The following MAP9 variants were observed in gnomAD, a reference collection of about 807,000 sequenced individuals.
MAP9 encodes microtubule associated protein 9.
A neutral mutation model predicts 75.2 loss-of-function variants in MAP9; 80 were observed. That is an observed-to-expected ratio of 1.06 (90% CI 0.89 to 1.28). The LOEUF is 1.28. Ranked by LOEUF, MAP9 falls within the 50% of genes most tolerant of loss-of-function variation. MAP9 has a pLI of 0.00. For synonymous variants in MAP9, 235 were observed against 237.3 expected (o/e 0.99, Z 0.09); for missense variants, 753 against 719.9 (o/e 1.05, Z -0.53).
At chr4:155,363,682 C>T (rs923997859) in intron 5 of MAP9, among the ~76,000 whole-genome samples, 1 of 152,058 alleles carries the variant, frequency 6.6e-6, no homozygotes, top group African/African-American at 2.4e-5. Flanking sequence ...GGAACTCTCA[C>T]GACATACCCT....
chr4:155,375,727 C>G (rs1203619313), intron 2 of MAP9, 49 bp downstream of exon 2: 1 of 1,190,172 alleles, frequency 8.4e-7, no homozygotes, highest in South Asian at 1.3e-5. Context: ...TTCAACCCAT[C>G]TAATACAGTG....
Position 155,352,726 on chromosome 4 carries a change from T to C in MAP9, c.1691A>G (p.Asn564Ser). 1 of 1,550,180 alleles carries C rather than the reference T, an allele frequency of 6.5e-7. No homozygotes were observed. Among genetic ancestry groups the C allele is most frequent in the Non-Finnish European group, 8.8e-7 (1 of 1,140,188 alleles). ...KDNLTAVEKW[N>S]EKKEAFFKQK... ...CTTGAAAAAAGCTTCCTTTTTTTCA[T>C]TCCTATAGAGCATAGTATAAAACAC... Residue 564 changes from asparagine (N) to serine (S), a missense_variant and splice_region_variant, in exon 13 of 14, where the codon AAT becomes AGT. Asn to Ser is a conservative substitution (Grantham distance 46). Transcript: ENST00000311277.
chr4:155,354,154 C>T (rs557946731), intron 10 of MAP9: 2 of 152,186 alleles, frequency 1.3e-5, no homozygotes, highest in Admixed American at 6.5e-5. Context: ...TCACTACTGA[C>T]GCATTATCGT....
At position 155,368,684 on chromosome 4, in the gene MAP9, C is replaced by T. The variant is rs1333602401; in HGVS notation, c.610G>A (p.Glu204Lys). 6.2e-7 allele frequency: 1 copy of T among 1,614,084 alleles called. No homozygotes were observed. Among genetic ancestry groups the T allele is most frequent in the Non-Finnish European group, 8.5e-7 (1 of 1,180,030 alleles). The part of the protein sequence containing the change: ...LEDKETALSE[E>K]LELHSAPSSL... ...GAAGGTGCAGAATGTAACTCCAATT[C>T]TTCACTGAGGGCAGTTTCTTTATCT... is the stretch of plus-strand genomic sequence containing the variant. The change falls in exon 5 of 14, where the codon GAA becomes AAA. Residue 204 changes from glutamate to lysine, a missense_variant. Physicochemically the swap from Glu to Lys is moderately conservative, Grantham distance 56. Transcript: ENST00000311277.
chr4:155,376,921 C>A lies in MAP9; in HGVS notation c.-215G>T, dbSNP rs1421432948. On this transcript the variant is annotated 5_prime_UTR_variant, in exon 1 of 14. Coordinates refer to ENST00000311277, the MANE Select transcript of MAP9 (RefSeq NM_001039580.2). ...GCCGGGTCTCTCGGGTACCCAACAC[C>A]GCTCTTCGGCCCAACGTGTCGCTGG... The A allele has an allele frequency of 6.6e-6, 1 of 152,624 alleles. No individual in the cohort carries two copies. The highest frequency in any genetic ancestry group is 2.4e-5 in the African/African-American group (1 of 41,436). 9.5% of individuals were successfully genotyped at this position (152,624 alleles called of 1,614,324 possible). A position where few individuals can be genotyped will look rare whatever the true frequency, so the allele number is the denominator to read the frequency against.
chr4:155,353,372 A>T (rs755957441), intron 10 of MAP9, 32 bp from the exon 11 acceptor site: 13 of 1,457,722 alleles, frequency 8.9e-6, no homozygotes, highest in Non-Finnish European at 9.9e-6. Context: ...AGTGATATAC[A>T]TATATATGTA....
Position 155,373,174 on chromosome 4 carries a change from G to C in MAP9, c.443C>G (p.Pro148Arg). 2 of 1,589,148 alleles carry C rather than the reference G, an allele frequency of 1.3e-6. No homozygotes were observed. The highest frequency in any genetic ancestry group is 2.3e-5 in the South Asian group (2 of 85,848). The change falls in exon 4 of 14, where the codon CCT becomes CGT. Residue 148 changes from proline to arginine, a missense_variant. Pro to Arg is a moderately radical substitution (Grantham distance 103). Transcript: ENST00000311277. ...TTTAATTGAAAGAATTCTGGGTTTA[G>C]GTTTCATTTTTATTTTGTCTTTTTC... ...EFEKDKIKMK[P>R]KPRILSIKST...
rs1343754857 is a variant in MAP9, at chr4:155,352,625, G to C, written c.1792C>G (p.Gln598Glu). The change falls in exon 13 of 14, where the codon CAA (glutamine) becomes GAA (glutamate). Residue 598 changes from glutamine to glutamate, a missense_variant. Physicochemically the swap from Gln to Glu is conservative, Grantham distance 29. Transcript: ENST00000311277. ...CATTTTTCATATTCATTAATAGCTT[G>C]TTTATCTTTATCTTTTTTCTCAGCT... ...KRAEKKDKDK[Q>E]AINEYEKWLE... The C allele has an allele frequency of 1.8e-5, 28 of 1,546,720 alleles. No homozygotes were observed. Among genetic ancestry groups the C allele is most frequent in the Non-Finnish European group, 2.4e-5 (27 of 1,134,306 alleles).
In MAP9 at chr4:155,352,577, A is replaced by C. The variant is rs763590621; in HGVS notation, c.1821+19T>G. ...AGGTACATGAAAAAGACGAAAGTGC[A>C]TTGACAAATAATACCTACCAGCCAT... On this transcript the variant is annotated intron_variant, in intron 13 of 13. Transcript: ENST00000311277. The C allele has an allele frequency of 6.4e-7, 1 of 1,571,822 alleles. No homozygotes were observed.
intron 5 of MAP9, 178 bp from the exon 6 acceptor site, chr4:155,362,319 CT>C (rs1732126701): frequency 4.1e-6 from 2 of 482,436 alleles, no homozygotes; most frequent in Non-Finnish European, 7.2e-6. Context: ...GCATGCTTTA[CT>C]TTCAAGCCTT....
intron 6 of MAP9, 65 bp from the exon 7 acceptor site, chr4:155,360,480 C>A (rs1426603484): frequency 1.4e-6 from 2 of 1,456,008 alleles, no homozygotes; most frequent in Non-Finnish European, 1.9e-6. Flanking sequence ...ATACTTGATT[C>A]ATTTGCTTTC....
chr4:155,375,735 G>A (rs1732809662), intron 2 of MAP9, 41 bp downstream of exon 2: 2 of 1,290,270 alleles, frequency 1.6e-6, no homozygotes, highest in Non-Finnish European at 2.2e-6. Flanking sequence ...ATCTAATACA[G>A]TGTTTACACT....
chr4:155,369,014 C>T (rs1206050675), intron 4 of MAP9, among the ~76,000 whole-genome samples: 1 of 152,062 alleles, frequency 6.6e-6, no homozygotes, highest in Non-Finnish European at 1.5e-5. Flanking sequence ...AGGCCGGACG[C>T]GGTGGCTCAC....
chr4:155,354,031 C>G (rs796633295), intron 10 of MAP9, among the ~76,000 whole-genome samples: 1 of 152,030 alleles, frequency 6.6e-6, no homozygotes, highest in Non-Finnish European at 1.5e-5. Flanking sequence ...TACTATCTAC[C>G]TCACAGAGCT....
intron 5 of MAP9, among the ~76,000 whole-genome samples, chr4:155,364,657 G>A (rs1178354255): frequency 6.7e-6 from 1 of 150,028 alleles, no homozygotes; most frequent in East Asian, 1.9e-4. Context: ...AACTGAAAGG[G>A]CTCTTTAAGA....
At chr4:155,350,075 A>AC (rs2111184903) in intron 13 of MAP9, 1 of 228,238 alleles carries the variant, frequency 4.4e-6, no homozygotes, top group Non-Finnish European at 8.9e-6. Flanking sequence ...GGCAAGAAAA[A>AC]TATTTTAGTC....
At chr4:155,366,930 T>A (rs1413015285) in intron 5 of MAP9, among the ~76,000 whole-genome samples, 2 of 152,164 alleles carry the variant, frequency 1.3e-5, no homozygotes, top group Non-Finnish European at 2.9e-5. Flanking sequence ...CCCAACTCAT[T>A]TGATACCCAA....
At chr4:155,349,119 T>G (rs1731396225) in intron 13 of MAP9, among the ~76,000 whole-genome samples, 1 of 148,446 alleles carries the variant, frequency 6.7e-6, no homozygotes, top group African/African-American at 2.5e-5. Context: ...CCCTTTGAAG[T>G]GTGACATGAT....
intron 9 of MAP9, 143 bp downstream of exon 9, chr4:155,355,573 T>C: frequency 1.7e-6 from 1 of 574,912 alleles, no homozygotes; most frequent in Non-Finnish European, 2.8e-6. Flanking sequence ...ATATGATTAC[T>C]CATGTATTAA....
Sources: gnomAD v4.1 joint callset for allele counts (sites outside exome capture counted in the v4.1 genomes callset) on GRCh38, gnomAD v4.1.1 for gene constraint, MANE v1.5 for transcripts, NCBI Gene and HGNC (gene_info 2026-07-23, HGNC 2026-07-21) for gene names.